PRKN: variants seen among roughly 807,000 people sequenced by gnomAD.
PRKN encodes the protein E3 ubiquitin-protein ligase parkin.
PRKN carries 56 observed loss-of-function variants against 59.5 expected under a neutral mutation model. The observed-to-expected ratio is 0.94, with a 90% CI of 0.76 to 1.18. The LOEUF is 1.18. Among genes scored for constraint, PRKN ranks in the 50% most tolerant of loss-of-function variants. PRKN has a pLI of 0.00. For synonymous variants in PRKN, 250 were observed against 222.1 expected, an observed-to-expected ratio of 1.13 and a Z score of -1.12; for missense variants, 657 against 596.4, an observed-to-expected ratio of 1.10 and a Z score of -1.06.
chr6:161,733,254 A>G (rs966227442), intron 7 of PRKN, among the ~76,000 whole-genome samples: 4 of 152,198 alleles, frequency 2.6e-5, no homozygotes, highest in African/African-American at 9.7e-5. Context: ...GAATCTCCTT[A>G]TATGGAAAAG....
intron 8 of PRKN, among the ~76,000 whole-genome samples, chr6:161,565,388 G>C (rs1780602767): frequency 6.6e-6 from 1 of 152,018 alleles, no homozygotes; most frequent in African/African-American, 2.4e-5. Flanking sequence ...GTTTGGCTGT[G>C]TCCCCACCCA....
chr6:161,835,998 A>G (rs190424082), intron 6 of PRKN, among the ~76,000 whole-genome samples: 80 of 152,188 alleles, frequency 5.3e-4, no homozygotes, highest in African/African-American at 1.7e-3. Context: ...AATGACTCTC[A>G]GTATATTCAA....
chr6:162,540,582 TG>T (rs1358977268), intron 1 of PRKN, among the ~76,000 whole-genome samples: 2 of 151,804 alleles, frequency 1.3e-5, no homozygotes, highest in Non-Finnish European at 2.9e-5. Flanking sequence ...CTGAGGCAGG[TG>T]ATCACCTGAG....
intron 1 of PRKN, among the ~76,000 whole-genome samples, chr6:162,498,684 C>A (rs1474588883): frequency 6.6e-6 from 1 of 151,488 alleles, no homozygotes; most frequent in Admixed American, 6.6e-5. Context: ...CCATAAACTG[C>A]CGCCTTTAAG....
chr6:161,522,059 G>C (rs1295964124), intron 9 of PRKN, among the ~76,000 whole-genome samples: 5 of 152,128 alleles, frequency 3.3e-5, no homozygotes, highest in Non-Finnish European at 7.3e-5. Context: ...GGCGAATATT[G>C]ATGCGGTGTG....
At chr6:161,516,190 G>A (rs1254841096) in intron 9 of PRKN, among the ~76,000 whole-genome samples, 1 of 152,094 alleles carries the variant, frequency 6.6e-6, no homozygotes, top group Non-Finnish European at 1.5e-5. Context: ...GCTCACGCCT[G>A]TAATCCCAGC....
chr6:161,447,048 T>C lies in PRKN; in HGVS notation c.1084-60171A>G, dbSNP rs1334384410. ...TAGCTATGGGTAGGTGACTTCTTAA[T>C]GATCTTTAAGGAAAGAAGTCAATAC... On this transcript the variant is annotated intron_variant, in intron 9 of 11. Coordinates refer to ENST00000366898, the MANE Select transcript of PRKN (RefSeq NM_004562.3). The surrounding 1 kb of genome is among the most constrained non-coding windows in gnomAD (Gnocchi z 4.1). Among the ~76,000 whole-genome samples the C allele has an allele frequency of 6.6e-6, 1 of 152,216 alleles. No individual in the cohort carries two copies. The highest frequency in any genetic ancestry group is 1.5e-5 in the Non-Finnish European group (1 of 68,042).
Position 161,751,458 on chromosome 6 carries a change from T to G in PRKN, c.871+34314A>C, listed in dbSNP as rs1480627956. 5.9e-5 allele frequency among the ~76,000 whole-genome samples: 9 copies of G among 152,224 alleles called. No homozygotes were observed. In the South Asian group the frequency reaches 6.2e-4, roughly 11 times the overall value. On this transcript the variant is annotated intron_variant, in intron 7 of 11. Transcript: ENST00000366898. The stretch of plus-strand genomic sequence containing the variant: ...TATCTTGCACTAAATCTGTACTACA[T>G]TACACATTTATGATTACCTGTAAAT...
At chr6:162,587,181 C>T (rs1470684596) in intron 1 of PRKN, among the ~76,000 whole-genome samples, 2 of 152,096 alleles carry the variant, frequency 1.3e-5, no homozygotes, top group Non-Finnish European at 2.9e-5. Context: ...CTGTTACCCA[C>T]GCTGGAGTAC....
At chr6:161,709,201 G>A (rs1449792474) in intron 7 of PRKN, among the ~76,000 whole-genome samples, 3 of 152,166 alleles carry the variant, frequency 2.0e-5, no homozygotes, top group Non-Finnish European at 4.4e-5. Context: ...CTTGGGAAAG[G>A]AGATCTCTGC....
At chr6:162,314,682 C>A (rs1199637603) in intron 2 of PRKN, among the ~76,000 whole-genome samples, 4 of 152,146 alleles carry the variant, frequency 2.6e-5, no homozygotes, top group Non-Finnish European at 5.9e-5. Context: ...AGAACTGACA[C>A]TGAATTTTAG....
chr6:162,203,802 A>G (rs766212786), intron 3 of PRKN, among the ~76,000 whole-genome samples: 3 of 151,362 alleles, frequency 2.0e-5, no homozygotes, highest in Non-Finnish European at 4.4e-5. Context: ...CTCCTAATCA[A>G]CTCTTCTGTA....
chr6:162,296,062 T>C (rs961783773), intron 2 of PRKN, among the ~76,000 whole-genome samples: 5 of 152,188 alleles, frequency 3.3e-5, no homozygotes, highest in Non-Finnish European at 7.3e-5. Context: ...CTGGGATTTG[T>C]TCATTTTAAA....
intron 3 of PRKN, among the ~76,000 whole-genome samples, chr6:162,237,070 T>C (rs773989932): frequency 5.3e-5 from 8 of 152,168 alleles, no homozygotes; most frequent in Non-Finnish European, 1.2e-4. Flanking sequence ...GCAATAATCC[T>C]TTCTAATAAC....
intron 7 of PRKN, among the ~76,000 whole-genome samples, chr6:161,647,084 G>A (rs1016564641): frequency 6.6e-6 from 1 of 152,134 alleles, no homozygotes; most frequent in African/African-American, 2.4e-5. Context: ...ATGTAATATG[G>A]TGCAGGGGAA....
Position 162,162,934 on chromosome 6 carries a change from G to A in PRKN, c.534+38197C>T, listed in dbSNP as rs141606118. On this transcript the variant is annotated intron_variant, in intron 4 of 11. Transcript: ENST00000366898. ...GAGGCAGAAGAATCACTTGAACCCG[G>A]GAGGCAGAGGTTGCAGTGAGCCGAG... is the stretch of plus-strand genomic sequence containing the variant. Among the ~76,000 whole-genome samples, 730 of 148,818 alleles carry A rather than the reference G, an allele frequency of 4.9e-3. 52 individuals are homozygous for A. Among genetic ancestry groups the A allele is most frequent in the Middle Eastern group, 0.028 (8 of 284 alleles).
At chr6:161,980,456 G>A (rs1478334891) in intron 5 of PRKN, among the ~76,000 whole-genome samples, 1 of 152,168 alleles carries the variant, frequency 6.6e-6, no homozygotes, top group Non-Finnish European at 1.5e-5. Flanking sequence ...CCCACACCAG[G>A]TAGTTCAACT....
rs148745672 is a variant in PRKN, at chr6:162,107,710, G to A, written c.535-53536C>T. Among the ~76,000 whole-genome samples, 47 of 152,216 alleles carry A rather than the reference G, an allele frequency of 3.1e-4. 1 individual carries two copies. In the East Asian group the frequency reaches 8.9e-3, roughly 29 times the overall value. The stretch of plus-strand genomic sequence containing the variant: ...TTCCTTTTTCTCTTTTCCTGTTGCT[G>A]TGAACTAGGCATCAGGCATAGTTGT... On this transcript the variant is annotated intron_variant, in intron 4 of 11. Coordinates refer to ENST00000366898, the MANE Select transcript of PRKN (RefSeq NM_004562.3).
At chr6:161,608,786 C>T (rs984412913) in intron 7 of PRKN, among the ~76,000 whole-genome samples, 19 of 152,038 alleles carry the variant, frequency 1.2e-4, no homozygotes, top group South Asian at 6.2e-4. Flanking sequence ...GTGATCCACC[C>T]GCCTCGGCCT....
Sources: allele counts gnomAD v4.1 joint callset (sites outside exome capture counted in the v4.1 genomes callset), GRCh38; gene constraint gnomAD v4.1.1; non-coding constraint Gnocchi (gnomAD v3.1); transcripts MANE v1.5; gene names NCBI Gene and HGNC (gene_info 2026-07-23, HGNC 2026-07-21).